The following DACH2 variants were observed in gnomAD, a reference collection of about 807,000 sequenced individuals.
DACH2 encodes the protein dachshund homolog 2.
In DACH2, 17 loss-of-function variants were observed where a neutral mutation model predicts 35.8. The observed-to-expected ratio is 0.48, with a 90% CI of 0.33 to 0.71. The LOEUF is 0.71. DACH2 is among the 30% of genes least tolerant of loss of function. The pLI, the probability that DACH2 is intolerant of heterozygous loss-of-function variation, is 0.02. For missense variants in DACH2, 469 were observed against 472.7 expected, an observed-to-expected ratio of 0.99 and a Z score of 0.07; for synonymous variants, 195 against 177.3, an observed-to-expected ratio of 1.10 and a Z score of -0.79.
At chrX:86,399,058 T>A (rs375159914) in intron 2 of DACH2, among the ~76,000 whole-genome samples, 38 of 111,939 alleles carry the variant, frequency 3.4e-4, no homozygotes, top group East Asian at 3.4e-3. Flanking sequence ...GCTTTATGAA[T>A]CTCGGTCCTC....
chrX:86,673,934 A>C (rs1415463513), intron 4 of DACH2, among the ~76,000 whole-genome samples: 2 of 111,888 alleles, frequency 1.8e-5, no homozygotes, highest in Non-Finnish European at 3.8e-5. Flanking sequence ...CCATGATTCT[A>C]AGTTTCCTTA....
At chrX:86,471,975 ACAT>A (rs1175851076) in intron 2 of DACH2, among the ~76,000 whole-genome samples, 1 of 112,249 alleles carries the variant, frequency 8.9e-6, no homozygotes, top group Non-Finnish European at 1.9e-5. Flanking sequence ...ATATTTGAAA[ACAT>A]CATGTTGTAC....
chrX:86,168,725 C>T (rs1444772526), intron 1 of DACH2, among the ~76,000 whole-genome samples: 2 of 106,053 alleles, frequency 1.9e-5, no homozygotes, highest in Non-Finnish European at 3.9e-5. Context: ...ATCTTATAAC[C>T]CATTATTTTA....
intron 6 of DACH2, among the ~76,000 whole-genome samples, chrX:86,719,664 C>T (rs915845346): frequency 2.7e-5 from 3 of 111,143 alleles, no homozygotes; most frequent in African/African-American, 9.8e-5. Context: ...AGGGGAAATG[C>T]CAGACATTTA....
chrX:86,323,545 T>A (rs1418610608), intron 1 of DACH2, among the ~76,000 whole-genome samples: 1 of 111,542 alleles, frequency 9.0e-6, no homozygotes, highest in Non-Finnish European at 1.9e-5. Context: ...ATGGGAGACA[T>A]GGTGACCATG....
In DACH2 at chrX:86,411,020, TTATA is replaced by T. The variant is rs36194671; in HGVS notation, c.527+34174_527+34177del. On this transcript the variant is annotated intron_variant, in intron 2 of 11. Coordinates refer to ENST00000373125, the MANE Select transcript of DACH2 (RefSeq NM_053281.3). ...CTCTAGAGGGACAGAACTAATATGATTATATATATATATATATATGTATATATGT... is the reference window on the plus strand; with the variant it reads ...CTCTAGAGGGACAGAACTAATATGATTATATATATATATATGTATATATGT... Among the ~76,000 whole-genome samples the T allele has an allele frequency of 6.9e-3, 279 of 40,505 alleles. 11 individuals are homozygous for T. Among genetic ancestry groups the T allele is most frequent in the African/African-American group, 0.024 (261 of 10,818 alleles). The allele number at this position is 40,505 out of a possible 115,157, so 35.2% of individuals were successfully genotyped here. A position where few individuals can be genotyped will look rare whatever the true frequency, so the allele number is the denominator to read the frequency against.
intron 3 of DACH2, among the ~76,000 whole-genome samples, chrX:86,595,182 A>T (rs1195839010): frequency 9.0e-6 from 1 of 111,393 alleles, no homozygotes; most frequent in Non-Finnish European, 1.9e-5. Context: ...CAGTGGCATG[A>T]TCATAGCTCA....
At chrX:86,507,103 T>G (rs765495032) in intron 2 of DACH2, among the ~76,000 whole-genome samples, 1 of 112,071 alleles carries the variant, frequency 8.9e-6, no homozygotes, top group South Asian at 3.7e-4. Context: ...TGATTGAATG[T>G]GTGTGCTTCC....
intron 1 of DACH2, among the ~76,000 whole-genome samples, chrX:86,182,354 A>C (rs1189512264): frequency 1.8e-5 from 2 of 111,706 alleles, no homozygotes; most frequent in Non-Finnish European, 3.8e-5. Context: ...TCTTGAGTTA[A>C]TTTTTGTATA....
At chrX:86,705,333 G>C (rs2041203370) in intron 5 of DACH2, among the ~76,000 whole-genome samples, 1 of 109,337 alleles carries the variant, frequency 9.1e-6, no homozygotes, top group Non-Finnish European at 1.9e-5. Flanking sequence ...TATAAAATGG[G>C]TTCAGTGCAT....
chrX:86,187,465 T>C (rs1028162323), intron 1 of DACH2, among the ~76,000 whole-genome samples: 1 of 106,205 alleles, frequency 9.4e-6, no homozygotes, highest in Non-Finnish European at 1.9e-5. Context: ...TCACCCAGGC[T>C]AGAGGACAGT....
At chrX:86,572,648 T>C (rs2039386299) in intron 3 of DACH2, among the ~76,000 whole-genome samples, 1 of 111,745 alleles carries the variant, frequency 8.9e-6, no homozygotes, top group Non-Finnish European at 1.9e-5. Flanking sequence ...GAGTATGATG[T>C]TGGCTATAGG....
At chrX:86,278,316 C>T (rs1324152415) in intron 1 of DACH2, among the ~76,000 whole-genome samples, 2 of 111,824 alleles carry the variant, frequency 1.8e-5, no homozygotes, top group South Asian at 7.5e-4. Context: ...AATTGGGCTA[C>T]GAAGTTTTGC....
intron 3 of DACH2, among the ~76,000 whole-genome samples, chrX:86,610,365 C>CTTTG (rs1569452249): frequency 2.4e-4 from 8 of 32,726 alleles, no homozygotes; most frequent in South Asian, 2.4e-3. Flanking sequence ...CTTCCTTCCT[C>CTTTG]TTTCTTTCTT....
intron 1 of DACH2, among the ~76,000 whole-genome samples, chrX:86,344,156 A>G (rs1275840251): frequency 1.8e-5 from 2 of 110,366 alleles, no homozygotes; most frequent in Non-Finnish European, 3.8e-5. Context: ...TGCCTGTATC[A>G]AAACATCTCA....
chrX:86,611,370 C>A (rs768376696), intron 3 of DACH2, among the ~76,000 whole-genome samples: 1 of 109,842 alleles, frequency 9.1e-6, no homozygotes, highest in Non-Finnish European at 1.9e-5. Context: ...AGCTGTGCCA[C>A]CTGGGGTTGG....
At chrX:86,433,118 A>G (rs1405690372) in intron 2 of DACH2, among the ~76,000 whole-genome samples, 1 of 111,857 alleles carries the variant, frequency 8.9e-6, no homozygotes, top group African/African-American at 3.2e-5. Flanking sequence ...TTATTTTAAT[A>G]ATTAAAGAGT....
At chrX:86,749,077 G>A (rs1261809573) in intron 7 of DACH2, among the ~76,000 whole-genome samples, 1 of 112,012 alleles carries the variant, frequency 8.9e-6, no homozygotes, top group African/African-American at 3.2e-5. Flanking sequence ...ATTAAAGAGA[G>A]GTAGGGCCTT....
chrX:86,377,008 A>G (rs1277971256), intron 2 of DACH2, 146 bp downstream of exon 2: 2 of 318,790 alleles, frequency 6.3e-6, no homozygotes, highest in East Asian at 1.0e-4. Context: ...TCAGCAGCAA[A>G]TGCTGAATCT....
Sources: gnomAD v4.1 joint callset for allele counts (sites outside exome capture counted in the v4.1 genomes callset) on GRCh38, gnomAD v4.1.1 for gene constraint, MANE v1.5 for transcripts, NCBI Gene and HGNC (gene_info 2026-07-23, HGNC 2026-07-21) for gene names.